The following TEX9 variants were observed in gnomAD, a reference collection of about 807,000 sequenced individuals.
TEX9 encodes the protein testis expressed 9.
TEX9 carries 74 observed loss-of-function variants against 59.6 expected under a neutral mutation model. The ratio of observed to expected loss-of-function variants is 1.24; its 90% CI spans 1.03 to 1.51. The LOEUF (loss-of-function observed/expected upper bound fraction) is 1.51. Among genes scored for constraint, TEX9 ranks in the 40% most tolerant of loss-of-function variants. The pLI is 0.00. For synonymous variants in TEX9, 186 were observed against 152.2 expected (o/e 1.22, Z -1.64); for missense variants, 522 against 447.8 (o/e 1.17, Z -1.49).
intron 1 of TEX9, among the ~76,000 whole-genome samples, chr15:56,249,285 G>A (rs542466595): frequency 3.3e-5 from 5 of 152,250 alleles, no homozygotes; most frequent in Admixed American, 6.5e-5. Context: ...ACTCCAGGGG[G>A]CACCATTCAC....
chr15:56,329,036 A>G (rs1478930627), intron 1 of TEX9, among the ~76,000 whole-genome samples: 1 of 152,004 alleles, frequency 6.6e-6, no homozygotes, highest in African/African-American at 2.4e-5. Flanking sequence ...GTGGCCTCAG[A>G]AGTGCTGGTG....
chr15:56,244,891 AT>A (rs1436425383), intron 1 of TEX9, among the ~76,000 whole-genome samples: 2 of 151,802 alleles, frequency 1.3e-5, no homozygotes, highest in Non-Finnish European at 2.9e-5. Flanking sequence ...GAGCAGAAGA[AT>A]TGGCTTTTCT....
intron 12 of TEX9, chr15:56,443,804 T>C (rs774608315): frequency 6.2e-7 from 1 of 1,611,496 alleles, no homozygotes; most frequent in South Asian, 1.1e-5. Context: ...CTGAAACTCT[T>C]CTATATACCT....
intron 10 of TEX9, among the ~76,000 whole-genome samples, chr15:56,424,757 G>T (rs1432737401): frequency 2.6e-5 from 4 of 152,090 alleles, no homozygotes; most frequent in African/African-American, 7.2e-5. Context: ...CGAAAAGAAT[G>T]AAAAGTGAAA....
intron 1 of TEX9, among the ~76,000 whole-genome samples, chr15:56,315,635 T>A (rs1340206744): frequency 6.8e-6 from 1 of 146,454 alleles, no homozygotes; most frequent in South Asian, 2.2e-4. Flanking sequence ...TGTCTTGGAG[T>A]TGCTCTTCTC....
chr15:56,430,011 A>C (rs1389373486), intron 12 of TEX9: 1 of 152,170 alleles, frequency 6.6e-6, no homozygotes, highest in African/African-American at 2.4e-5. Flanking sequence ...ATCCTTTCTA[A>C]CCAATTAGAC....
At chr15:56,401,427 C>A (rs1415992685) in intron 9 of TEX9, among the ~76,000 whole-genome samples, 3 of 151,008 alleles carry the variant, frequency 2.0e-5, no homozygotes, top group African/African-American at 7.3e-5. Context: ...GGGATCAATT[C>A]AACAAGAAGA....
intron 1 of TEX9, among the ~76,000 whole-genome samples, chr15:56,278,036 C>G (rs1446565212): frequency 6.6e-6 from 1 of 151,946 alleles, no homozygotes; most frequent in African/African-American, 2.4e-5. Flanking sequence ...TTTGCTCATC[C>G]TTAAAATCCT....
intron 1 of TEX9, among the ~76,000 whole-genome samples, chr15:56,293,653 G>A (rs1160461630): frequency 2.6e-5 from 4 of 152,210 alleles, no homozygotes; most frequent in African/African-American, 9.6e-5. Context: ...AGAAGGGACT[G>A]GAGATTACAG....
chr15:56,327,122 T>C (rs1406072668), intron 1 of TEX9, among the ~76,000 whole-genome samples: 1 of 152,228 alleles, frequency 6.6e-6, no homozygotes, highest in Non-Finnish European at 1.5e-5. Context: ...TACTTGAATA[T>C]AAATTATTCC....
chr15:56,322,178 G>C, intron 1 of TEX9, among the ~76,000 whole-genome samples: 1 of 152,170 alleles, frequency 6.6e-6, no homozygotes, highest in Middle Eastern at 3.4e-3. Flanking sequence ...TCAGGTCTGC[G>C]GATCAGCAAG....
intron 12 of TEX9, among the ~76,000 whole-genome samples, chr15:56,437,495 C>G (rs1435265392): frequency 2.6e-5 from 4 of 152,066 alleles, no homozygotes; most frequent in Non-Finnish European, 5.9e-5. Context: ...TATGACAAAC[C>G]CACAGCCAAT....
chr15:56,287,356 G>A (rs1455920932), intron 1 of TEX9, among the ~76,000 whole-genome samples: 1 of 151,902 alleles, frequency 6.6e-6, no homozygotes, highest in African/African-American at 2.4e-5. Context: ...CAAGACTCCT[G>A]GGTGAAAAGC....
At chr15:56,323,378 T>C (rs2725857) in intron 1 of TEX9, 80,571 of 162,016 alleles carry the variant, frequency 0.5, 21,492 homozygotes, top group Non-Finnish European at 0.6. Context: ...GAACTCTATG[T>C]ATCTGAGAGC....
intron 3 of TEX9, among the ~76,000 whole-genome samples, chr15:56,376,051 T>A (rs1373173418): frequency 7.5e-6 from 1 of 133,892 alleles, no homozygotes; most frequent in African/African-American, 2.8e-5. Context: ...AAGGGGAACA[T>A]CACACACTGG....
chr15:56,391,506 A>C, intron 7 of TEX9, 88 bp downstream of exon 7: 1 of 939,170 alleles, frequency 1.1e-6, no homozygotes. Context: ...TCCATTTAAA[A>C]AAATGTATTG....
At chr15:56,340,096 C>T (rs1309217850) in intron 1 of TEX9, among the ~76,000 whole-genome samples, 4 of 152,170 alleles carry the variant, frequency 2.6e-5, no homozygotes, top group African/African-American at 9.7e-5. Context: ...TGGTACTAAT[C>T]TTTGCCATTC....
intron 1 of TEX9, among the ~76,000 whole-genome samples, chr15:56,305,619 C>A (rs2045464522): frequency 1.3e-5 from 2 of 152,082 alleles, no homozygotes; most frequent in African/African-American, 4.8e-5. Context: ...ACACAAAAAT[C>A]AAATCAAAGT....
intron 1 of TEX9, among the ~76,000 whole-genome samples, chr15:56,284,519 T>C (rs767704945): frequency 5.8e-4 from 88 of 151,948 alleles, no homozygotes; most frequent in Non-Finnish European, 4.7e-4. Context: ...ATAAGGAATA[T>C]AAACTATATT....
Sources: gnomAD v4.1 joint callset for allele counts (sites outside exome capture counted in the v4.1 genomes callset) on GRCh38, gnomAD v4.1.1 for gene constraint, MANE v1.5 for transcripts, NCBI Gene and HGNC (gene_info 2026-07-23, HGNC 2026-07-21) for gene names.